The following FRYL variants were observed in gnomAD, a reference collection of about 807,000 sequenced individuals.
FRYL encodes protein furry homolog-like.
Under a neutral mutation model 351.2 loss-of-function variants are expected in FRYL, and 150 were observed. That is an observed-to-expected ratio of 0.43 (90% confidence interval 0.37 to 0.49). The LOEUF is 0.49. Among genes scored for constraint, FRYL ranks in the 20% least tolerant of loss-of-function variants. FRYL has a pLI of 0.00. For missense variants in FRYL, 3,036 were observed against 3,619.3 expected, an observed-to-expected ratio of 0.84 and a Z score of 4.13; for synonymous variants, 1,153 against 1,257.1, an observed-to-expected ratio of 0.92 and a Z score of 1.75.
chr4:48,542,636 G>T (rs903723225), intron 44 of FRYL, among the ~76,000 whole-genome samples: 29 of 152,130 alleles, frequency 1.9e-4, no homozygotes, highest in Admixed American at 2.6e-4. Flanking sequence ...GGGTGGTCTC[G>T]AACTCTTGAT....
intron 59 of FRYL, among the ~76,000 whole-genome samples, chr4:48,508,362 C>T (rs1188402223): frequency 1.3e-5 from 2 of 152,178 alleles, no homozygotes; most frequent in Non-Finnish European, 2.9e-5. Flanking sequence ...GACATCTTTA[C>T]CATATTGAGT....
At chr4:48,624,521 T>C (rs921100295) in intron 4 of FRYL, among the ~76,000 whole-genome samples, 4 of 152,238 alleles carry the variant, frequency 2.6e-5, no homozygotes, top group African/African-American at 7.2e-5. Flanking sequence ...AAGATCACCA[T>C]TGGTACATAA....
intron 1 of FRYL, among the ~76,000 whole-genome samples, chr4:48,769,011 C>T (rs1410068739): frequency 2.0e-5 from 3 of 151,878 alleles, no homozygotes; most frequent in Non-Finnish European, 4.4e-5. Flanking sequence ...GTGGTGCAGG[C>T]CTGTAGTCTC....
intron 3 of FRYL, among the ~76,000 whole-genome samples, chr4:48,663,333 A>ATAATTAATT (rs1439985609): frequency 2.7e-4 from 2 of 7,474 alleles, no homozygotes; most frequent in Non-Finnish European, 2.0e-3. Flanking sequence ...AATTAAATAT[A>ATAATTAATT]TAATTTAATT....
intron 3 of FRYL, among the ~76,000 whole-genome samples, chr4:48,646,369 T>C (rs943678135): frequency 2.0e-5 from 3 of 152,210 alleles, no homozygotes; most frequent in African/African-American, 7.2e-5. Context: ...TAATTATCTT[T>C]CTGTAAAAAC....
rs1193792494 is a variant in FRYL at position 48,567,895 on chromosome 4, C to T, written c.2997-475G>A. Among the ~76,000 whole-genome samples the T allele has an allele frequency of 6.6e-6, 1 of 152,220 alleles. No individual in the cohort carries two copies. Among genetic ancestry groups the T allele is most frequent in the Non-Finnish European group, 1.5e-5 (1 of 68,040 alleles). The stretch of plus-strand genomic sequence containing the variant: ...TAGGTATTATCAGGGATGCAAAAAT[C>T]TAAGAGAATTCTTGTAAGAATAGGG... On this transcript the variant is annotated intron_variant, in intron 27 of 63. Coordinates refer to ENST00000358350, the MANE Select transcript of FRYL (RefSeq NM_015030.2). The surrounding 1 kb of genome is among the most constrained non-coding windows in gnomAD (Gnocchi z 4.2).
At chr4:48,557,784 G>T (rs1734446742) in intron 33 of FRYL, 72 bp from the exon 34 acceptor site, 2 of 1,530,764 alleles carry the variant, frequency 1.3e-6, no homozygotes, top group Admixed American at 1.8e-5. Flanking sequence ...AATTCCAACA[G>T]ATTTCAGAAG....
At chr4:48,529,202 G>A (rs1726968730) in intron 50 of FRYL, among the ~76,000 whole-genome samples, 1 of 152,114 alleles carries the variant, frequency 6.6e-6, no homozygotes, top group South Asian at 2.1e-4. Flanking sequence ...TTTTAAGGAG[G>A]CCTTCTGTTC....
At chr4:48,589,436 T>C (rs1742811816) in intron 18 of FRYL, among the ~76,000 whole-genome samples, 1 of 150,878 alleles carries the variant, frequency 6.6e-6, no homozygotes, top group Non-Finnish European at 1.5e-5. Flanking sequence ...TTTGACATAA[T>C]AAACCAATCA....
intron 1 of FRYL, among the ~76,000 whole-genome samples, chr4:48,747,169 C>CA (rs1553880420): frequency 2.7e-5 from 4 of 150,808 alleles, no homozygotes; most frequent in Middle Eastern, 3.2e-3. Flanking sequence ...CTATCCCCCC[C>CA]CAAAAAAAGA....
At chr4:48,529,521 C>T (rs192903865) in intron 50 of FRYL, among the ~76,000 whole-genome samples, 2 of 152,262 alleles carry the variant, frequency 1.3e-5, no homozygotes, top group Admixed American at 1.3e-4. Context: ...ATACATACAT[C>T]TTGCTAGAAA....
chr4:48,590,607 AAAG>A, intron 17 of FRYL, 49 bp downstream of exon 17: 2 of 1,315,370 alleles, frequency 1.5e-6, no homozygotes, highest in Non-Finnish European at 2.1e-6. Flanking sequence ...GACTTTTATA[AAAG>A]AATATGAAAC....
chr4:48,710,745 C>A, intron 1 of FRYL, 47 bp from the exon 2 acceptor site: 1 of 395,870 alleles, frequency 2.5e-6, no homozygotes, highest in Non-Finnish European at 4.4e-6. Flanking sequence ...AACAGCCATG[C>A]TTACAACATG....
chr4:48,626,455 C>T lies in FRYL; in HGVS notation c.121-3276G>A, dbSNP rs572645555. 1.3e-4 allele frequency among the ~76,000 whole-genome samples: 20 copies of T among 152,010 alleles called. No homozygotes were observed. In the South Asian group the frequency reaches 3.7e-3, roughly 28 times the overall value. ...CAAATTATATCGGCTATTTGATAAG[C>T]TAATATAATTAATCAAATTAATCAA... On this transcript the variant is annotated intron_variant, in intron 4 of 63. Transcript: ENST00000358350.
chr4:48,623,284 G>C, intron 4 of FRYL, 105 bp from the exon 5 acceptor site: 1 of 684,344 alleles, frequency 1.5e-6, no homozygotes, highest in South Asian at 2.3e-5. Context: ...GTTTGGTTTT[G>C]CTCGTTTTCA....
chr4:48,534,784 C>T, intron 48 of FRYL, 99 bp from the exon 49 acceptor site: 1 of 721,686 alleles, frequency 1.4e-6, no homozygotes, highest in Non-Finnish European at 2.2e-6. Context: ...TAGATTTAGC[C>T]TATGAGTTTA....
chr4:48,499,680 T>G lies in FRYL; in HGVS notation c.8784A>C (p.Arg2928Ser), dbSNP rs778090224. Reference sequence around the variant, plus strand: ...CAAAGATATCACTGGGCCAGAGAGATCTGAAAATACACAATAGTTTTTCAG... The same window carrying G: ...CAAAGATATCACTGGGCCAGAGAGAGCTGAAAATACACAATAGTTTTTCAG... ...ISAVAQVKAF[R>S]SLWPSDIFGS... The change falls in exon 64 of 64, where the codon AGA becomes AGC. Residue 2928 changes from arginine to serine, a missense_variant and splice_region_variant. Physicochemically the swap from Arg to Ser is moderately radical, Grantham distance 110. This residue lies in a region of FRYL where 1,987 missense variants were observed against 2,311.7 expected (regional missense o/e 0.86). Coordinates refer to ENST00000358350, the MANE Select transcript of FRYL (RefSeq NM_015030.2). The G allele has an allele frequency of 5.0e-6, 8 of 1,613,088 alleles. No individual in the cohort carries two copies. The highest frequency in any genetic ancestry group is 6.8e-6 in the Non-Finnish European group (8 of 1,179,364).
At chr4:48,577,713 TA>T (rs1250892352) in intron 23 of FRYL, among the ~76,000 whole-genome samples, 3 of 151,848 alleles carry the variant, frequency 2.0e-5, no homozygotes, top group Non-Finnish European at 4.4e-5. Flanking sequence ...AATCTTTATT[TA>T]AAAAGTAACA....
At chr4:48,749,678 C>G (rs1391756574) in intron 1 of FRYL, among the ~76,000 whole-genome samples, 3 of 152,204 alleles carry the variant, frequency 2.0e-5, no homozygotes, top group African/African-American at 7.2e-5. Flanking sequence ...AGAGAATGTT[C>G]TGGCTGTTCT....
Sources: gnomAD v4.1 joint callset for allele counts (sites outside exome capture counted in the v4.1 genomes callset) on GRCh38, gnomAD v4.1.1 for gene constraint, gnomAD v4.1.1 regional missense constraint, Gnocchi (gnomAD v3.1) non-coding constraint, MANE v1.5 for transcripts, NCBI Gene and HGNC (gene_info 2026-07-23, HGNC 2026-07-21) for gene names.